Variants in LRRFIP1 observed in about 807,000 individuals in gnomAD.
The protein encoded by LRRFIP1 is LRR binding FLII interacting protein 1.
In LRRFIP1, 62 loss-of-function variants were observed where a neutral mutation model predicts 104.4. The observed-to-expected ratio is 0.59, with a 90% CI of 0.48 to 0.73. LRRFIP1 has a LOEUF of 0.73. Among genes scored for constraint, LRRFIP1 ranks in the 30% least tolerant of loss-of-function variants. LRRFIP1 has a pLI of 0.00. For synonymous variants in LRRFIP1, 300 were observed against 299.0 expected (o/e 1.00, Z -0.03); for missense variants, 796 against 824.5 (o/e 0.97, Z 0.42).
At chr2:237,719,866 C>T (rs6740706) in intron 5 of LRRFIP1, among the ~76,000 whole-genome samples, 129,391 of 151,564 alleles carry the variant, frequency 0.85, 55,674 homozygotes, top group African/African-American at 0.96. Context: ...CATAAATAAT[C>T]TGCATAGTAA....
chr2:237,777,332 A>G lies in LRRFIP1; in HGVS notation c.1813-2090A>G, dbSNP rs147190582. 3.9e-5 allele frequency among the ~76,000 whole-genome samples: 6 copies of G among 151,996 alleles called. No homozygotes were observed. The East Asian group carries it at 1.2e-3, about 29-fold the overall frequency. On this transcript the variant is annotated intron_variant, in intron 23 of 23. Transcript: ENST00000308482. Reference sequence around the variant, plus strand: ...TATGTCTGTCCTGCTAGTGTCTCAGACTGTACTAGAATCATTTTCCTCCTC... The same window carrying G: ...TATGTCTGTCCTGCTAGTGTCTCAGGCTGTACTAGAATCATTTTCCTCCTC...
At chr2:237,764,259 C>T in intron 19 of LRRFIP1, 5 of 1,598,684 alleles carry the variant, frequency 3.1e-6, no homozygotes, top group Admixed American at 1.8e-5. Context: ...ATGACAATTA[C>T]CAGGTGCTCT....
chr2:237,729,328 G>A (rs1488235169), intron 8 of LRRFIP1, among the ~76,000 whole-genome samples: 1 of 152,250 alleles, frequency 6.6e-6, no homozygotes, highest in Non-Finnish European at 1.5e-5. Context: ...GGTGGCAGCA[G>A]GCTGTCACAC....
chr2:237,681,740 C>T lies in LRRFIP1; in HGVS notation c.97-26804C>T, dbSNP rs1312009721. ...TGTCGCCCAGGCTGGAGTGCAGTGGCGGGATCTCGGCTCACTGCAAGCTCC... is the reference window on the plus strand; with the variant it reads ...TGTCGCCCAGGCTGGAGTGCAGTGGTGGGATCTCGGCTCACTGCAAGCTCC... On this transcript the variant is annotated intron_variant, in intron 1 of 23. Coordinates refer to ENST00000308482, the MANE Select transcript of LRRFIP1 (RefSeq NM_001137550.2). Among the ~76,000 whole-genome samples the T allele has an allele frequency of 4.5e-5, 5 of 110,948 alleles. 1 individual carries two copies. The highest frequency in any genetic ancestry group is 6.9e-5 in the African/African-American group (2 of 29,182). 72.8% of individuals were successfully genotyped at this position (110,948 alleles called of 152,430 possible).
intron 7 of LRRFIP1, among the ~76,000 whole-genome samples, chr2:237,726,648 C>G (rs150399978): frequency 1.4e-4 from 22 of 152,334 alleles, no homozygotes; most frequent in Admixed American, 1.3e-3. Flanking sequence ...GGTCACATGA[C>G]GGAGCTTCTT....
chr2:237,654,554 CTT>C (rs71402730), intron 1 of LRRFIP1, among the ~76,000 whole-genome samples: 11 of 144,800 alleles, frequency 7.6e-5, no homozygotes, highest in Non-Finnish European at 1.1e-4. Flanking sequence ...GAAAATATTC[CTT>C]TTTTTTTTTT....
At chr2:237,709,620 G>C (rs2093976516) in intron 2 of LRRFIP1, among the ~76,000 whole-genome samples, 1 of 152,134 alleles carries the variant, frequency 6.6e-6, no homozygotes, top group Non-Finnish European at 1.5e-5. Context: ...CAAAGACCAA[G>C]CTGGCCACAT....
chr2:237,763,102 G>A (rs747506551), intron 19 of LRRFIP1: 55 of 1,614,210 alleles, frequency 3.4e-5, no homozygotes, highest in Non-Finnish European at 4.7e-5. Context: ...TCCCCCAAGA[G>A]TTAGAGACAA....
At chr2:237,685,347 T>C (rs1025477386) in intron 1 of LRRFIP1, among the ~76,000 whole-genome samples, 1 of 152,152 alleles carries the variant, frequency 6.6e-6, no homozygotes, top group African/African-American at 2.4e-5. Context: ...CAGAGTAAAA[T>C]ACATTAGAAA....
intron 11 of LRRFIP1, among the ~76,000 whole-genome samples, chr2:237,742,412 G>A (rs1267924083): frequency 1.3e-5 from 2 of 152,176 alleles, no homozygotes; most frequent in African/African-American, 4.8e-5. Context: ...TCCCGTATGT[G>A]GTTCTTAGAA....
chr2:237,764,677 A>G (rs1559837179), intron 19 of LRRFIP1: 2 of 989,138 alleles, frequency 2.0e-6, no homozygotes, highest in African/African-American at 1.7e-5. Context: ...AGGTCACTGA[A>G]TGATAAGATT....
rs142602106 is a variant in LRRFIP1, at chr2:237,649,113, G to T, written c.96+21373G>T. On this transcript the variant is annotated intron_variant, in intron 1 of 23. Coordinates refer to ENST00000308482, the MANE Select transcript of LRRFIP1 (RefSeq NM_001137550.2). This position sits in a 1 kb window ranked among gnomAD's most constrained non-coding sequence, Gnocchi z 4.1. ...GCCGGCCCCTGGAGCTGGAGGAGGT[G>T]CTGGGCCATGGTTTGGAAGCTCGCA... 1.9e-4 allele frequency among the ~76,000 whole-genome samples: 29 copies of T among 151,954 alleles called. No homozygotes were observed. The highest frequency in any genetic ancestry group is 6.3e-4 in the African/African-American group (26 of 41,534).
chr2:237,768,658 A>G (rs1409009902), intron 19 of LRRFIP1: 1 of 152,230 alleles, frequency 6.6e-6, no homozygotes, highest in Non-Finnish European at 1.5e-5. Flanking sequence ...AAAGGATGAT[A>G]AATTTAATTT....
At chr2:237,666,862 TTTCTTC>T (rs1170109697) in intron 1 of LRRFIP1, among the ~76,000 whole-genome samples, 1 of 151,294 alleles carries the variant, frequency 6.6e-6, no homozygotes, top group Non-Finnish European at 1.5e-5. Context: ...TCTTTCTTTC[TTTCTTC>T]TCTTTCTCTC....
chr2:237,733,900 G>A, intron 9 of LRRFIP1, 82 bp downstream of exon 9: 2 of 1,471,398 alleles, frequency 1.4e-6, no homozygotes, highest in South Asian at 2.3e-5. Flanking sequence ...AGCCGGGGAT[G>A]TGCCTGTTCC....
intron 1 of LRRFIP1, among the ~76,000 whole-genome samples, chr2:237,628,975 C>T (rs2081971734): frequency 6.6e-6 from 1 of 152,224 alleles, no homozygotes; most frequent in Admixed American, 6.5e-5. Flanking sequence ...TCCAGGAGAC[C>T]TTCCAGACTC....
intron 1 of LRRFIP1, chr2:237,692,581 C>T: frequency 6.9e-7 from 1 of 1,448,562 alleles, no homozygotes; most frequent in Non-Finnish European, 9.2e-7. Context: ...TCAGGGGCTT[C>T]CAGCTCGTTC....
At position 237,749,260 on chromosome 2, in the gene LRRFIP1, C is replaced by T. The variant is rs923817426; in HGVS notation, c.731C>T (p.Ser244Phe). ...CTGGCCTCTCTGGGTGGGACTTCCT[C>T]TCGGAGAGGCAGCGGAGACACCTCC... Reference protein sequence around the residue: ...ATLASLGGTSSRRGSGDTSIS... With the variant: ...ATLASLGGTSFRRGSGDTSIS... The change falls in exon 13 of 24, where the codon TCT becomes TTT. Residue 244 changes from serine (S) to phenylalanine (F), a missense_variant. By Grantham distance (155) the Ser-to-Phe change is radical. Transcript: ENST00000308482. The T allele has an allele frequency of 4.3e-6, 7 of 1,614,006 alleles. No homozygotes were observed. The highest frequency in any genetic ancestry group is 5.9e-6 in the Non-Finnish European group (7 of 1,180,016).
chr2:237,642,855 C>T lies in LRRFIP1; in HGVS notation c.96+15115C>T, dbSNP rs568673968. 1.5e-4 allele frequency among the ~76,000 whole-genome samples: 23 copies of T among 152,176 alleles called. No individual in the cohort carries two copies. In the South Asian group the frequency reaches 1.9e-3, roughly 12 times the overall value. ...CTTCAGGTTCTGAACTCTAGGTTTT[C>T]GATTCTAGGCTCCAGGTTGCAGGGT... On this transcript the variant is annotated intron_variant, in intron 1 of 23. Coordinates refer to ENST00000308482, the MANE Select transcript of LRRFIP1 (RefSeq NM_001137550.2).
Sources: allele counts gnomAD v4.1 joint callset (sites outside exome capture counted in the v4.1 genomes callset), GRCh38; gene constraint gnomAD v4.1.1; non-coding constraint Gnocchi (gnomAD v3.1); transcripts MANE v1.5; gene names NCBI Gene and HGNC (gene_info 2026-07-23, HGNC 2026-07-21).